Variants in QTMAN observed in about 807,000 individuals in gnomAD.
The protein encoded by QTMAN is tRNA-queuosine alpha-mannosyltransferase.
At chr2:144,038,374 C>T in the QTMAN span, among the ~76,000 whole-genome samples, 1 of 151,948 alleles carries the variant, frequency 6.6e-6, no homozygotes, top group African/African-American at 2.4e-5. Context: ...GTTATATATA[C>T]GTTTGTCTCA....
the QTMAN span, among the ~76,000 whole-genome samples, chr2:144,263,008 G>T: frequency 8.9e-6 from 1 of 112,782 alleles, no homozygotes; most frequent in East Asian, 3.0e-4. Context: ...GGAGGACAGA[G>T]GAGGGGAGGG....
the QTMAN span, among the ~76,000 whole-genome samples, chr2:144,185,790 G>T: frequency 6.6e-6 from 1 of 152,100 alleles, no homozygotes; most frequent in South Asian, 2.1e-4. Context: ...TTTTTAGATA[G>T]CTTGTAAAAG....
the QTMAN span, chr2:144,332,584 T>C: frequency 4.7e-5 from 7 of 149,422 alleles, no homozygotes; most frequent in African/African-American, 1.7e-4. Context: ...TCCGGGCGCG[T>C]CAGGCGCTGG....
chr2:143,955,118 G>A, the QTMAN span, among the ~76,000 whole-genome samples: 1 of 152,164 alleles, frequency 6.6e-6, no homozygotes, highest in African/African-American at 2.4e-5. Flanking sequence ...TAATGAGGAT[G>A]AGACACAGTT....
At chr2:144,278,177 G>A in the QTMAN span, among the ~76,000 whole-genome samples, 3 of 152,312 alleles carry the variant, frequency 2.0e-5, no homozygotes, top group African/African-American at 7.2e-5. Context: ...GCTGAAAAGT[G>A]TGGTTCTAGC....
the QTMAN span, among the ~76,000 whole-genome samples, chr2:144,184,085 G>A: frequency 6.6e-6 from 1 of 152,192 alleles, no homozygotes; most frequent in Non-Finnish European, 1.5e-5. Flanking sequence ...GAGAGTATGT[G>A]TGAGCTTCAA....
the QTMAN span, among the ~76,000 whole-genome samples, chr2:144,112,764 A>G: frequency 1.3e-5 from 2 of 152,324 alleles, no homozygotes; most frequent in South Asian, 4.1e-4. Flanking sequence ...CCAGGCAGTA[A>G]TGAGGTATCC....
the QTMAN span, among the ~76,000 whole-genome samples, chr2:144,114,625 A>G: frequency 1.3e-5 from 2 of 152,208 alleles, no homozygotes; most frequent in African/African-American, 4.8e-5. Context: ...AAATTTCCCT[A>G]TAAATACAAA....
the QTMAN span, among the ~76,000 whole-genome samples, chr2:144,265,861 C>G: frequency 6.6e-6 from 1 of 152,124 alleles, no homozygotes; most frequent in Non-Finnish European, 1.5e-5. Flanking sequence ...CCTAGGCACA[C>G]CACCCTCTGC....
chr2:144,126,483 A>G, the QTMAN span, among the ~76,000 whole-genome samples: 31 of 151,980 alleles, frequency 2.0e-4, no homozygotes, highest in African/African-American at 7.5e-4. Flanking sequence ...ACTGGCTTTT[A>G]CTTAAGGCAG....
At chr2:144,071,052 G>T in the QTMAN span, among the ~76,000 whole-genome samples, 21 of 152,262 alleles carry the variant, frequency 1.4e-4, no homozygotes, top group African/African-American at 5.1e-4. Context: ...CTTTGTGAAA[G>T]TGCTTAGCTT....
chr2:144,145,943 G>GAATCTCAC, the QTMAN span: 1 of 123,918 alleles, frequency 8.1e-6, no homozygotes, highest in Non-Finnish European at 1.5e-5. Context: ...TAAAGTCCCC[G>GAATCTCAC]AATCTCACTG....
the QTMAN span, among the ~76,000 whole-genome samples, chr2:144,233,001 T>G: frequency 6.6e-6 from 1 of 152,182 alleles, no homozygotes; most frequent in Non-Finnish European, 1.5e-5. Flanking sequence ...TTTATTTTAA[T>G]GGAAGTTCAC....
At chr2:144,079,956 A>C in the QTMAN span, among the ~76,000 whole-genome samples, 1 of 152,112 alleles carries the variant, frequency 6.6e-6, no homozygotes, top group Non-Finnish European at 1.5e-5. Flanking sequence ...AAATCAATTT[A>C]GACTTAAAGT....
chr2:144,157,763 CATATATGTATAACACATATATAACTAT>C, the QTMAN span, among the ~76,000 whole-genome samples: 1 of 151,672 alleles, frequency 6.6e-6, no homozygotes, highest in East Asian at 1.9e-4. Flanking sequence ...AACATATAAA[CATATATGTATAACACATATATAACTAT>C]ATATATGTAT....
the QTMAN span, among the ~76,000 whole-genome samples, chr2:144,284,613 T>G: frequency 1.3e-3 from 204 of 152,170 alleles, no homozygotes; most frequent in Non-Finnish European, 2.1e-3. Context: ...AAAATAAAAA[T>G]AAAAGAAAAT....
At chr2:144,107,769 C>T in the QTMAN span, among the ~76,000 whole-genome samples, 2 of 152,168 alleles carry the variant, frequency 1.3e-5, no homozygotes, top group African/African-American at 2.4e-5. Flanking sequence ...CCAGCATCAT[C>T]CTGATACCAA....
chr2:144,115,761 A>G, the QTMAN span, among the ~76,000 whole-genome samples: 1 of 152,210 alleles, frequency 6.6e-6, no homozygotes, highest in African/African-American at 2.4e-5. Context: ...TACACAGGTC[A>G]TAACTGAGTG....
chr2:143,970,533 CT>C, the QTMAN span: 3 of 687,770 alleles, frequency 4.4e-6, no homozygotes, highest in Non-Finnish European at 7.9e-6. Context: ...ATCGTATAAT[CT>C]TTTGGTTAAC....
Sources: gnomAD v4.1 joint callset for allele counts (sites outside exome capture counted in the v4.1 genomes callset) on GRCh38, gnomAD v4.1.1 for gene constraint, MANE v1.5 for transcripts, NCBI Gene and HGNC (gene_info 2026-07-23, HGNC 2026-07-21) for gene names.